Variants in PRKAR2A observed in about 807,000 individuals in gnomAD.
PRKAR2A encodes the protein cAMP-dependent protein kinase type II-alpha regulatory subunit.
PRKAR2A carries 29 observed loss-of-function variants against 51.9 expected under a neutral mutation model. The observed-to-expected ratio is 0.56, with a 90% confidence interval of 0.42 to 0.76. The LOEUF (loss-of-function observed/expected upper bound fraction) is 0.76. Among genes scored for constraint, PRKAR2A ranks in the 30% least tolerant of loss-of-function variants. PRKAR2A has a pLI of 0.00. For missense variants in PRKAR2A, 445 were observed against 512.1 expected, an observed-to-expected ratio of 0.87 and a Z score of 1.26; for synonymous variants, 178 against 186.2, an observed-to-expected ratio of 0.96 and a Z score of 0.36.
intron 3 of PRKAR2A, among the ~76,000 whole-genome samples, chr3:48,792,222 A>C (rs2082400971): frequency 6.6e-6 from 1 of 151,206 alleles, no homozygotes; most frequent in Non-Finnish European, 1.5e-5. Flanking sequence ...GCTCACTGCA[A>C]CCTCCACCTC....
intron 6 of PRKAR2A, among the ~76,000 whole-genome samples, chr3:48,766,054 C>T (rs1024942041): frequency 3.3e-5 from 5 of 151,970 alleles, no homozygotes; most frequent in African/African-American, 1.2e-4. Flanking sequence ...AACACGCTCT[C>T]TACGAAAAAA....
intron 8 of PRKAR2A, among the ~76,000 whole-genome samples, chr3:48,760,590 G>A (rs1297676304): frequency 6.6e-6 from 1 of 151,100 alleles, no homozygotes; most frequent in African/African-American, 2.4e-5. Flanking sequence ...GGGAGGCCGA[G>A]GCTGAGGTGG....
chr3:48,796,868 T>C (rs2082502236), intron 2 of PRKAR2A, among the ~76,000 whole-genome samples: 1 of 151,998 alleles, frequency 6.6e-6, no homozygotes, highest in South Asian at 2.1e-4. Flanking sequence ...TTCTATTTCA[T>C]CTCAGCCAAT....
chr3:48,815,018 TCTCCCACCTCAGC>T (rs1317109697), intron 1 of PRKAR2A, among the ~76,000 whole-genome samples: 1 of 152,046 alleles, frequency 6.6e-6, no homozygotes, highest in Admixed American at 6.6e-5. Flanking sequence ...TTCAAGTGAT[TCTCCCACCTCAGC>T]CTCCCAAGTA....
intron 1 of PRKAR2A, among the ~76,000 whole-genome samples, chr3:48,841,156 T>C (rs541449364): frequency 6.6e-6 from 1 of 151,308 alleles, no homozygotes; most frequent in Admixed American, 6.6e-5. Context: ...AGTGCTGGGA[T>C]TACAGGCACG....
At chr3:48,837,709 T>A (rs909389680) in intron 1 of PRKAR2A, among the ~76,000 whole-genome samples, 4 of 150,904 alleles carry the variant, frequency 2.7e-5, no homozygotes, top group Non-Finnish European at 5.9e-5. Flanking sequence ...TATGAATGGA[T>A]AAATGGTATA....
chr3:48,845,059 T>C (rs1315969675), intron 1 of PRKAR2A, among the ~76,000 whole-genome samples: 1 of 152,118 alleles, frequency 6.6e-6, no homozygotes, highest in African/African-American at 2.4e-5. Context: ...TAAATAAAAA[T>C]TGTCTCAAAG....
At chr3:48,772,151 T>G (rs181288034) in intron 6 of PRKAR2A, among the ~76,000 whole-genome samples, 6 of 152,276 alleles carry the variant, frequency 3.9e-5, no homozygotes, top group Admixed American at 3.3e-4. Flanking sequence ...TCCATAGTTG[T>G]TTGTGTGTGT....
At chr3:48,792,378 G>A (rs925598755) in intron 3 of PRKAR2A, among the ~76,000 whole-genome samples, 6 of 150,552 alleles carry the variant, frequency 4.0e-5, no homozygotes, top group Non-Finnish European at 7.4e-5. Flanking sequence ...CTGACCTCAT[G>A]ATCCGCCTGC....
intron 4 of PRKAR2A, among the ~76,000 whole-genome samples, chr3:48,789,490 A>AT (rs1210177675): frequency 0.034 from 4,496 of 130,880 alleles, 282 homozygotes; most frequent in East Asian, 0.2. Flanking sequence ...TTCTTATTCT[A>AT]TTTTTTTTTT....
intron 6 of PRKAR2A, among the ~76,000 whole-genome samples, chr3:48,769,157 C>CTTTCTT (rs758961539): frequency 2.9e-5 from 4 of 136,282 alleles, no homozygotes; most frequent in African/African-American, 8.3e-5. Flanking sequence ...AAATATCTTT[C>CTTTCTT]TTTTTTTTTT....
intron 2 of PRKAR2A, among the ~76,000 whole-genome samples, chr3:48,795,401 G>C (rs1188983485): frequency 6.6e-6 from 1 of 152,036 alleles, no homozygotes; most frequent in African/African-American, 2.4e-5. Context: ...CCCATATATC[G>C]GGGTGATAAC....
intron 4 of PRKAR2A, among the ~76,000 whole-genome samples, chr3:48,788,830 C>T (rs183106165): frequency 1.3e-5 from 2 of 152,242 alleles, no homozygotes; most frequent in African/African-American, 4.8e-5. Context: ...GAAATTTCCA[C>T]TGTTTATAAA....
intron 1 of PRKAR2A, among the ~76,000 whole-genome samples, chr3:48,826,238 C>CT (rs1176487531): frequency 1.3e-5 from 2 of 152,152 alleles, no homozygotes; most frequent in African/African-American, 4.8e-5. Flanking sequence ...TGCATTCCAG[C>CT]CTGGGTGACA....
intron 6 of PRKAR2A, among the ~76,000 whole-genome samples, chr3:48,771,107 G>A (rs1237524703): frequency 1.3e-5 from 2 of 152,020 alleles, no homozygotes; most frequent in South Asian, 2.1e-4. Flanking sequence ...ATGTGCACAC[G>A]TCTGTAATCC....
At chr3:48,824,908 T>C (rs984023983) in intron 1 of PRKAR2A, among the ~76,000 whole-genome samples, 1 of 150,672 alleles carries the variant, frequency 6.6e-6, no homozygotes, top group Non-Finnish European at 1.5e-5. Flanking sequence ...ATCGTACCAC[T>C]GCACTACAGC....
intron 5 of PRKAR2A, 66 bp downstream of exon 5, chr3:48,782,920 A>C (rs1397039048): frequency 1.7e-6 from 2 of 1,153,794 alleles, no homozygotes; most frequent in East Asian, 4.7e-5. Flanking sequence ...AATAGGATAA[A>C]GCATCTGCCC....
rs75426188 is a variant in PRKAR2A, at chr3:48,803,194, G to A, written c.298+4455C>T. 4.0e-3 allele frequency among the ~76,000 whole-genome samples: 616 copies of A among 152,232 alleles called. 3 individuals are homozygous for A. Among genetic ancestry groups the A allele is most frequent in the Middle Eastern group, 0.017 (5 of 294 alleles). On this transcript the variant is annotated intron_variant, in intron 2 of 10. Transcript: ENST00000265563. ...ACTGGGAGGCCAAGACAAGAGGATA[G>A]TTTGAAACCAGGAGTTTGAGACCAG...
chr3:48,819,091 CTGCAA>C (rs2082919014), intron 1 of PRKAR2A, among the ~76,000 whole-genome samples: 1 of 152,090 alleles, frequency 6.6e-6, no homozygotes, highest in South Asian at 2.1e-4. Context: ...CAACCTCCCA[CTGCAA>C]CCTCCGCCTC....
Sources: allele counts gnomAD v4.1 joint callset (sites outside exome capture counted in the v4.1 genomes callset), GRCh38; gene constraint gnomAD v4.1.1; transcripts MANE v1.5; gene names NCBI Gene and HGNC (gene_info 2026-07-23, HGNC 2026-07-21).